The following SEC14L1 variants were observed in gnomAD, a reference collection of about 807,000 sequenced individuals.
SEC14L1 encodes SEC14 like lipid binding 1.
Under a neutral mutation model 85.3 loss-of-function variants are expected in SEC14L1, and 48 were observed. The observed-to-expected ratio is 0.56, with a 90% confidence interval of 0.45 to 0.72. The LOEUF (loss-of-function observed/expected upper bound fraction) is 0.72. Ranked by LOEUF, SEC14L1 falls within the 30% of genes least tolerant of loss-of-function variation. The pLI is 0.00. For missense variants in SEC14L1, 682 were observed against 921.4 expected (o/e 0.74, Z 3.36); for synonymous variants, 391 against 355.5 (o/e 1.10, Z -1.12).
At chr17:77,142,625 T>C (rs1973110911) in intron 1 of SEC14L1, 21 bp from the exon 2 acceptor site, 1 of 149,842 alleles carries the variant, frequency 6.7e-6, no homozygotes, top group Non-Finnish European at 1.5e-5. Context: ...GTAATTTGTC[T>C]CTCTCTTTTT....
intron 3 of SEC14L1, among the ~76,000 whole-genome samples, chr17:77,158,718 C>T (rs933148930): frequency 9.4e-5 from 14 of 149,356 alleles, no homozygotes; most frequent in African/African-American, 2.2e-4. Context: ...TACCGATGGA[C>T]GTTGGGTTGT....
chr17:77,215,106 CGGTG>C lies in SEC14L1; in HGVS notation c.*1086_*1089del, dbSNP rs1976973835. On this transcript the variant is annotated 3_prime_UTR_variant, in exon 17 of 17. Transcript: ENST00000436233. ...GCTGTGTGTGTGCATGTGTGCATGA[CGGTG>C]GGGGTGCTGGGGGGACGGGGTGAGT... is the stretch of plus-strand genomic sequence containing the variant. The C allele has an allele frequency of 7.1e-6, 7 of 985,212 alleles. No individual in the cohort carries two copies. Among genetic ancestry groups the C allele is most frequent in the Admixed American group, 6.2e-5 (1 of 16,216 alleles). The allele number at this position is 985,212 out of a possible 1,614,324, so 61.0% of individuals were successfully genotyped here. A position where few individuals can be genotyped will look rare whatever the true frequency, so the allele number is the denominator to read the frequency against.
intron 3 of SEC14L1, among the ~76,000 whole-genome samples, chr17:77,100,058 G>C (rs1042365569): frequency 1.3e-5 from 2 of 152,214 alleles, no homozygotes; most frequent in African/African-American, 4.8e-5. Context: ...CTGCTCTGGC[G>C]CTCCCAGCGG....
chr17:77,216,655 C>T lies in SEC14L1; in HGVS notation c.*2632C>T, dbSNP rs987624061. The T allele has an allele frequency of 6.2e-7, 1 of 1,606,380 alleles. No individual in the cohort carries two copies. Among genetic ancestry groups the T allele is most frequent in the Non-Finnish European group, 8.5e-7 (1 of 1,174,154 alleles). On this transcript the variant is annotated 3_prime_UTR_variant, in exon 17 of 17. Transcript: ENST00000436233. ...GAATTGCAGCCATCCCCTGCCCCCT[C>T]CCAGGCTGAAGATCTGTTCTTTTTA...
chr17:77,118,416 G>A (rs1374507718), intron 3 of SEC14L1, among the ~76,000 whole-genome samples: 1 of 152,190 alleles, frequency 6.6e-6, no homozygotes, highest in Non-Finnish European at 1.5e-5. Context: ...GGGCCAAATG[G>A]AATGTATGTC....
At chr17:77,201,647 CA>C (rs1299542688) in intron 9 of SEC14L1, among the ~76,000 whole-genome samples, 2 of 152,056 alleles carry the variant, frequency 1.3e-5, no homozygotes, top group African/African-American at 4.8e-5. Flanking sequence ...GATGGGGTTT[CA>C]CCATATTGGC....
At chr17:77,128,087 G>C (rs1486601938) in intron 3 of SEC14L1, 1 of 152,248 alleles carries the variant, frequency 6.6e-6, no homozygotes. Flanking sequence ...ACCAGTTCGT[G>C]GTAATTTCTT....
chr17:77,120,295 G>C (rs1010275372), intron 3 of SEC14L1, among the ~76,000 whole-genome samples: 11 of 152,166 alleles, frequency 7.2e-5, no homozygotes, highest in Non-Finnish European at 7.3e-5. Context: ...TAACCGCCTT[G>C]TTTTGCCACT....
intron 8 of SEC14L1, chr17:77,199,668 G>A (rs1976019378): frequency 6.6e-6 from 1 of 152,232 alleles, no homozygotes; most frequent in South Asian, 2.1e-4. Flanking sequence ...AAGGATCATA[G>A]TCATTCATAG....
chr17:77,171,551 T>G (rs1598340407), intron 3 of SEC14L1, among the ~76,000 whole-genome samples: 1 of 152,362 alleles, frequency 6.6e-6, no homozygotes, highest in Middle Eastern at 3.4e-3. Flanking sequence ...ATAGATTTTC[T>G]AATACTTGAA....
At position 77,190,854 on chromosome 17, in the gene SEC14L1, A is replaced by G. The variant is rs1377519018; in HGVS notation, c.115A>G (p.Ser39Gly). Residue 39 changes from serine to glycine, a missense_variant, in exon 4 of 17, where the codon AGT becomes GGT. Ser to Gly is a moderately conservative substitution (Grantham distance 56). Around this residue, in one of 3 missense-constraint regions of SEC14L1, gnomAD observed 139 missense variants for 201.3 expected, o/e 0.69. Coordinates refer to ENST00000436233, the MANE Select transcript of SEC14L1 (RefSeq NM_001143998.2). ...TCPLIPMFVG[S>G]DTVNEFKSED... ...TCCTTTGATTCCGATGTTCGTGGGC[A>G]GTGACACTGTGAATGAATTCAAGAG... 1.2e-6 allele frequency: 2 copies of G among 1,614,240 alleles called. No individual in the cohort carries two copies. The highest frequency in any genetic ancestry group is 1.7e-6 in the Non-Finnish European group (2 of 1,180,034).
chr17:77,190,269 G>A (rs949558798), intron 3 of SEC14L1, among the ~76,000 whole-genome samples: 1 of 152,136 alleles, frequency 6.6e-6, no homozygotes, highest in African/African-American at 2.4e-5. Flanking sequence ...TTGAAAATCA[G>A]TCGGTGTTCC....
chr17:77,213,199 G>C lies in SEC14L1; in HGVS notation c.1864-115G>C. ...GCAGGTTCTGAATCCCATTGAGATAGTTTCCGTAGCTACATGAAATCCTAA... is the reference window on the plus strand; with the variant it reads ...GCAGGTTCTGAATCCCATTGAGATACTTTCCGTAGCTACATGAAATCCTAA... On this transcript the variant is annotated intron_variant, in intron 15 of 16. Coordinates refer to ENST00000436233, the MANE Select transcript of SEC14L1 (RefSeq NM_001143998.2). This position sits in a 1 kb window ranked among gnomAD's most constrained non-coding sequence, Gnocchi z 7.1. 1.1e-6 allele frequency: 1 copy of C among 880,126 alleles called. No homozygotes were observed. The highest frequency in any genetic ancestry group is 1.7e-6 in the Non-Finnish European group (1 of 588,042). 54.5% of individuals were successfully genotyped at this position (880,126 alleles called of 1,614,324 possible). A position where few individuals can be genotyped will look rare whatever the true frequency, so the allele number is the denominator to read the frequency against.
chr17:77,198,652 GC>G (rs1389610842), intron 8 of SEC14L1, among the ~76,000 whole-genome samples: 1 of 150,426 alleles, frequency 6.6e-6, no homozygotes, highest in Non-Finnish European at 1.5e-5. Context: ...TCGGCTCACT[GC>G]AAGATCCGCC....
intron 7 of SEC14L1, among the ~76,000 whole-genome samples, chr17:77,195,550 C>T (rs1313036172): frequency 6.6e-6 from 1 of 152,138 alleles, no homozygotes; most frequent in Non-Finnish European, 1.5e-5. Context: ...TGTAGTGGCA[C>T]AATCTCGGCT....
chr17:77,160,947 G>A (rs1057185063), intron 3 of SEC14L1, among the ~76,000 whole-genome samples: 7 of 152,140 alleles, frequency 4.6e-5, no homozygotes, highest in African/African-American at 1.7e-4. Flanking sequence ...TTGCAGATGG[G>A]GAGCTGTACA....
At chr17:77,163,172 G>GC (rs1410817470) in intron 3 of SEC14L1, among the ~76,000 whole-genome samples, 1 of 152,158 alleles carries the variant, frequency 6.6e-6, no homozygotes, top group African/African-American at 2.4e-5. Context: ...TCTGCTCTCA[G>GC]CGAGTATAGA....
chr17:77,205,299 G>T lies in SEC14L1; in HGVS notation c.1122G>T (p.Gly374=), dbSNP rs749988062. The change falls in exon 11 of 17, where the codon GGG becomes GGT. Residue 374 remains glycine, a synonymous_variant. Coordinates refer to ENST00000436233, the MANE Select transcript of SEC14L1 (RefSeq NM_001143998.2). ...LRYVLSINEE[G]LRRCEENTKV... is the part of the protein sequence containing the mutation. Reference sequence around the variant, plus strand: ...AGGTTCTCTCCATAAATGAAGAAGGGCTAAGGCGATGCGAAGAGAATACAA... The same window carrying T: ...AGGTTCTCTCCATAAATGAAGAAGGTCTAAGGCGATGCGAAGAGAATACAA... 2 of 1,614,100 alleles carry T rather than the reference G, an allele frequency of 1.2e-6. No individual in the cohort carries two copies. Among genetic ancestry groups the T allele is most frequent in the Non-Finnish European group, 1.7e-6 (2 of 1,179,998 alleles).
rs764339492 is a variant in SEC14L1, at chr17:77,213,586, C to T, written c.2042+94C>T. 2.7e-5 allele frequency: 40 copies of T among 1,463,508 alleles called. No individual in the cohort carries two copies. The highest frequency in any genetic ancestry group is 4.2e-5 in the African/African-American group (3 of 72,144). The allele number at this position is 1,463,508 out of a possible 1,614,324, so 90.7% of individuals were successfully genotyped here. On this transcript the variant is annotated intron_variant, in intron 16 of 16. Transcript: ENST00000436233. The surrounding 1 kb of genome is among the most constrained non-coding windows in gnomAD (Gnocchi z 7.1). ...ACGCCGTGTGCAGGATCAGCAGTGG[C>T]GGCGGGTGTCAGGAATGCTTGGAGG...
Sources: gnomAD v4.1 joint callset for allele counts (sites outside exome capture counted in the v4.1 genomes callset) on GRCh38, gnomAD v4.1.1 for gene constraint, gnomAD v4.1.1 regional missense constraint, Gnocchi (gnomAD v3.1) non-coding constraint, MANE v1.5 for transcripts, NCBI Gene and HGNC (gene_info 2026-07-23, HGNC 2026-07-21) for gene names.